FAM178B: variants seen among roughly 807,000 people sequenced by gnomAD.
FAM178B encodes the protein protein FAM178B.
In FAM178B, 82 loss-of-function variants were observed where a neutral mutation model predicts 91.7. The observed-to-expected ratio is 0.89, with a 90% CI of 0.75 to 1.07. The LOEUF (loss-of-function observed/expected upper bound fraction) is 1.07, where lower values mean the gene tolerates loss of function less well. Among genes scored for constraint, FAM178B ranks in the 50% least tolerant of loss-of-function variants. FAM178B has a pLI of 0.00. For synonymous variants in FAM178B, 368 were observed against 359.4 expected, an observed-to-expected ratio of 1.02 and a Z score of -0.27; for missense variants, 769 against 846.7, an observed-to-expected ratio of 0.91 and a Z score of 1.14.
intron 4 of FAM178B, among the ~76,000 whole-genome samples, chr2:96,969,458 G>C (rs1340098128): frequency 1.3e-5 from 2 of 152,284 alleles, no homozygotes; most frequent in African/African-American, 4.8e-5. Flanking sequence ...ATCCTGGGCT[G>C]CTGGCCACCA....
rs1312856904 is a variant in FAM178B, at chr2:96,977,898, TC to T, written c.74-5293del. 2.3e-4 allele frequency: 100 copies of T among 440,476 alleles called. 2 individuals carry two copies. In the East Asian group the frequency reaches 6.7e-3, roughly 29 times the overall value. 27.3% of individuals were successfully genotyped at this position (440,476 alleles called of 1,614,324 possible). A position where few individuals can be genotyped will look rare whatever the true frequency, so the allele number is the denominator to read the frequency against. ...CTCAAGATCACGAAGCCCAGGGCACTCTGCAAGGGTTTCTGCAAGTTCAGCA... is the reference window on the plus strand; with the variant it reads ...CTCAAGATCACGAAGCCCAGGGCACTTGCAAGGGTTTCTGCAAGTTCAGCA... On this transcript the variant is annotated intron_variant, in intron 1 of 16. Coordinates refer to ENST00000490605, the MANE Select transcript of FAM178B (RefSeq NM_001122646.3).
intron 1 of FAM178B, among the ~76,000 whole-genome samples, chr2:96,982,564 AATTT>A (rs2082375848): frequency 6.6e-6 from 1 of 151,456 alleles, no homozygotes; most frequent in Admixed American, 6.6e-5. Context: ...CACCTGGCCT[AATTT>A]ATTTATTTAT....
At chr2:96,886,340 G>A (rs1287220989) in intron 14 of FAM178B, among the ~76,000 whole-genome samples, 3 of 152,228 alleles carry the variant, frequency 2.0e-5, no homozygotes, top group Non-Finnish European at 4.4e-5. Flanking sequence ...CCCAAACCAA[G>A]CCAATGAGAC....
chr2:96,920,469 G>A (rs963917434), intron 12 of FAM178B, among the ~76,000 whole-genome samples: 12 of 152,164 alleles, frequency 7.9e-5, no homozygotes, highest in African/African-American at 1.4e-4. Context: ...GTGTGGTGGC[G>A]GGCGCCTGTA....
intron 14 of FAM178B, among the ~76,000 whole-genome samples, chr2:96,881,171 G>A (rs1317423972): frequency 1.3e-5 from 2 of 151,652 alleles, no homozygotes; most frequent in East Asian, 3.9e-4. Flanking sequence ...TTGGGAGGCT[G>A]AGGCAGGCAT....
chr2:96,912,108 C>T (rs377004218), intron 12 of FAM178B, among the ~76,000 whole-genome samples: 69 of 152,058 alleles, frequency 4.5e-4, no homozygotes, highest in African/African-American at 1.4e-3. Flanking sequence ...GGAATTTATG[C>T]GGGGAGAGAC....
intron 8 of FAM178B, among the ~76,000 whole-genome samples, chr2:96,943,193 C>A (rs566432122): frequency 3.9e-5 from 6 of 152,146 alleles, no homozygotes; most frequent in Non-Finnish European, 7.4e-5. Context: ...CAAGAGATTA[C>A]AAAGAAAACC....
chr2:96,946,517 C>G (rs1479995891), intron 8 of FAM178B, among the ~76,000 whole-genome samples: 1 of 152,186 alleles, frequency 6.6e-6, no homozygotes, highest in African/African-American at 2.4e-5. Context: ...AAACACAATC[C>G]CAGGCTGGGC....
intron 6 of FAM178B, among the ~76,000 whole-genome samples, chr2:96,959,199 G>GGAA (rs1273953141): frequency 3.7e-5 from 3 of 82,134 alleles, no homozygotes; most frequent in East Asian, 3.9e-4. Flanking sequence ...ACTCAGTTTT[G>GGAA]AAAAAAAAAA....
chr2:96,876,408 C>T, intron 16 of FAM178B, 100 bp from the exon 17 acceptor site: 2 of 1,448,536 alleles, frequency 1.4e-6, no homozygotes, highest in Non-Finnish European at 1.9e-6. Context: ...GCACCCATCG[C>T]AGGCTCATGC....
intron 12 of FAM178B, among the ~76,000 whole-genome samples, chr2:96,903,866 G>A (rs1298366153): frequency 6.6e-6 from 1 of 152,198 alleles, no homozygotes; most frequent in Non-Finnish European, 1.5e-5. Context: ...CTAAAATCCT[G>A]GGGCACTTTT....
chr2:96,929,875 G>A (rs891373375), intron 8 of FAM178B, among the ~76,000 whole-genome samples: 1 of 152,148 alleles, frequency 6.6e-6, no homozygotes, highest in Admixed American at 6.5e-5. Context: ...TGCGCTATGG[G>A]GACCAGTTTC....
intron 12 of FAM178B, among the ~76,000 whole-genome samples, chr2:96,906,576 A>C (rs2081060086): frequency 6.6e-6 from 1 of 151,738 alleles, no homozygotes; most frequent in African/African-American, 2.4e-5. Flanking sequence ...CACTTCCCCC[A>C]CACTGAGCAC....
intron 1 of FAM178B, among the ~76,000 whole-genome samples, chr2:96,985,764 A>G (rs2082415514): frequency 6.6e-6 from 1 of 152,216 alleles, no homozygotes; most frequent in Non-Finnish European, 1.5e-5. Flanking sequence ...TGGCGAGAGC[A>G]GCGGCTCCTG....
intron 1 of FAM178B, 25 bp downstream of exon 1, chr2:96,986,216 G>A (rs1037415790): frequency 6.5e-7 from 1 of 1,534,356 alleles, no homozygotes; most frequent in Non-Finnish European, 8.7e-7. Context: ...GCGCCCCTGC[G>A]GTTCCTCGGC....
intron 14 of FAM178B, among the ~76,000 whole-genome samples, chr2:96,882,726 G>C (rs964386086): frequency 2.0e-4 from 31 of 152,310 alleles, no homozygotes; most frequent in Non-Finnish European, 3.4e-4. Context: ...GTGCGGTGGG[G>C]ATGTCATTGT....
intron 7 of FAM178B, among the ~76,000 whole-genome samples, chr2:96,949,825 TGGGGGCA>T (rs2081894616): frequency 6.6e-6 from 1 of 152,130 alleles, no homozygotes. Flanking sequence ...CAGAGCTCTG[TGGGGGCA>T]CAAGGACAAG....
chr2:96,951,351 CACCTAGTG>C lies in FAM178B; in HGVS notation c.993+20_993+27del. ...GGCCACCAGACTGCAGCGCTCCCGC[CACCTAGTG>C]GCAGGCCTGCGGTCCTCACCTGGAA... On this transcript the variant is annotated intron_variant, in intron 7 of 16. Coordinates refer to ENST00000490605, the MANE Select transcript of FAM178B (RefSeq NM_001122646.3). 1 of 1,512,154 alleles carries C rather than the reference CACCTAGTG, an allele frequency of 6.6e-7. No homozygotes were observed. 93.7% of individuals were successfully genotyped at this position (1,512,154 alleles called of 1,614,324 possible). A position where few individuals can be genotyped will look rare whatever the true frequency, so the allele number is the denominator to read the frequency against.
chr2:96,942,503 C>T (rs1034401009), intron 8 of FAM178B, among the ~76,000 whole-genome samples: 5 of 152,340 alleles, frequency 3.3e-5, no homozygotes, highest in Middle Eastern at 3.4e-3. Context: ...CGCCATTCTC[C>T]TGCCTCAGCC....
Sources: gnomAD v4.1 joint callset for allele counts (sites outside exome capture counted in the v4.1 genomes callset) on GRCh38, gnomAD v4.1.1 for gene constraint, MANE v1.5 for transcripts, NCBI Gene and HGNC (gene_info 2026-07-23, HGNC 2026-07-21) for gene names.